KLRD1: variants seen among roughly 807,000 people sequenced by gnomAD.
The protein encoded by KLRD1 is killer cell lectin like receptor D1, also known as natural killer cells antigen CD94.
A neutral mutation model predicts 22.6 loss-of-function variants in KLRD1; 21 were observed. The ratio of observed to expected loss-of-function variants is 0.93; its 90% CI spans 0.66 to 1.34. KLRD1 has a LOEUF of 1.34. Among genes scored for constraint, KLRD1 ranks in the 40% most tolerant of loss-of-function variants. The pLI is 0.00. For missense variants in KLRD1, 183 were observed against 208.6 expected (o/e 0.88, Z 0.76); for synonymous variants, 59 against 71.1 (o/e 0.83, Z 0.85).
chr12:10,278,282 A>C (rs1450771760), intron 1 of KLRD1, among the ~76,000 whole-genome samples: 2 of 152,176 alleles, frequency 1.3e-5, no homozygotes, highest in African/African-American at 4.8e-5. Flanking sequence ...AACTCAAGCC[A>C]TTCCATTTGA....
chr12:10,280,534 C>T (rs1431164953), intron 1 of KLRD1, among the ~76,000 whole-genome samples: 1 of 152,074 alleles, frequency 6.6e-6, no homozygotes, highest in Admixed American at 6.5e-5. Context: ...TCACGCCGTG[C>T]TCCATCGTTG....
At chr12:10,295,760 A>G (rs541372614) in intron 1 of KLRD1, among the ~76,000 whole-genome samples, 86 of 152,138 alleles carry the variant, frequency 5.7e-4, no homozygotes, top group Non-Finnish European at 1.0e-3. Flanking sequence ...ATAGACACCC[A>G]TTTTTCTGTG....
chr12:10,287,945 G>A (rs1176112707), intron 1 of KLRD1, among the ~76,000 whole-genome samples: 1 of 151,996 alleles, frequency 6.6e-6, no homozygotes, highest in Non-Finnish European at 1.5e-5. Flanking sequence ...GCGGGCGCCT[G>A]TAGTCCCAGC....
intron 1 of KLRD1, among the ~76,000 whole-genome samples, chr12:10,285,871 A>G (rs1240152873): frequency 6.6e-6 from 1 of 152,220 alleles, no homozygotes; most frequent in African/African-American, 2.4e-5. Context: ...GAATAACAAA[A>G]ATAGCGCAGC....
chr12:10,303,307 A>G (rs1949882815), upstream of KLRD1, among the ~76,000 whole-genome samples: 1 of 152,200 alleles, frequency 6.6e-6, no homozygotes, highest in African/African-American at 2.4e-5. Flanking sequence ...CCACAAAAAT[A>G]TGAAACTCAT....
chr12:10,244,880 G>A (rs987285215), intron 1 of KLRD1, among the ~76,000 whole-genome samples: 1 of 152,222 alleles, frequency 6.6e-6, no homozygotes, highest in East Asian at 1.9e-4. Flanking sequence ...TGGTAATGCA[G>A]TACTGATTTA....
rs149301773 is a variant in KLRD1 at position 10,295,697 on chromosome 12, A to T, written c.-100-12281A>T. Among the ~76,000 whole-genome samples the T allele has an allele frequency of 3.7e-3, 563 of 152,328 alleles. 3 individuals carry two copies. Among genetic ancestry groups the T allele is most frequent in the African/African-American group, 0.012 (510 of 41,582 alleles). On this transcript the variant is annotated intron_variant, in intron 1 of 5. Transcript: ENST00000544747. ...TTCAAGAGTTCAGAAAAAGTAAATA[A>T]AACAGAAACATTTACAATAAATCAA...
At chr12:10,268,942 C>T (rs1269834751) in intron 1 of KLRD1, among the ~76,000 whole-genome samples, 5 of 152,174 alleles carry the variant, frequency 3.3e-5, no homozygotes, top group Non-Finnish European at 7.4e-5. Flanking sequence ...ATTATGTTGG[C>T]TCTTTTATGT....
rs185325975 is a variant in KLRD1, at chr12:10,239,829, A to G, written c.-101+13596A>G. The stretch of plus-strand genomic sequence containing the variant: ...GCTAATTTTTGTATTTTTACTAGAG[A>G]TGGGGTTTCACCATGTTGGCCAGGC... On this transcript the variant is annotated intron_variant, in intron 1 of 5. Coordinates refer to the KLRD1 transcript ENST00000544747. Among the ~76,000 whole-genome samples the G allele has an allele frequency of 6.7e-3, 1,012 of 151,768 alleles. 13 individuals carry two copies. Among genetic ancestry groups the G allele is most frequent in the South Asian group, 0.041 (197 of 4,800 alleles).
At chr12:10,277,159 T>TA (rs1949600284) in intron 1 of KLRD1, among the ~76,000 whole-genome samples, 1 of 140,794 alleles carries the variant, frequency 7.1e-6, no homozygotes, top group Non-Finnish European at 1.5e-5. Context: ...ATTCCAAAGG[T>TA]AGAGGTGGGT....
In KLRD1 at chr12:10,315,033, ATATT is replaced by A. The variant is rs66599733; in HGVS notation, c.*243_*246del. 0.42 allele frequency: 137,381 copies of A among 329,314 alleles called. 29,056 individuals are homozygous for A. The highest frequency in any genetic ancestry group is 0.55 in the East Asian group (7,403 of 13,492). The allele number at this position is 329,314 out of a possible 1,614,324, so 20.4% of individuals were successfully genotyped here. A position where few individuals can be genotyped will look rare whatever the true frequency, so the allele number is the denominator to read the frequency against. On this transcript the variant is annotated 3_prime_UTR_variant, in exon 6 of 6. Transcript: ENST00000336164. ...AATTTTGTATTTTCATTTAATGTATATATTTAATGTTAAATTCAATGTAGTTTTA... is the reference window on the plus strand; with the variant it reads ...AATTTTGTATTTTCATTTAATGTATATAATGTTAAATTCAATGTAGTTTTA...
intron 1 of KLRD1, among the ~76,000 whole-genome samples, chr12:10,252,327 T>TACA (rs1860717862): frequency 6.6e-6 from 1 of 152,046 alleles, no homozygotes; most frequent in Admixed American, 6.6e-5. Context: ...GCAGGTGTAT[T>TACA]ACGTATTTTC....
chr12:10,276,994 C>G (rs962107703), intron 1 of KLRD1, among the ~76,000 whole-genome samples: 2 of 151,804 alleles, frequency 1.3e-5, no homozygotes, highest in Non-Finnish European at 2.9e-5. Context: ...ACCATTAAGT[C>G]TAGTTTTGTG....
Position 10,243,631 on chromosome 12 carries a change from A to AAAAAAAAAAG in KLRD1, c.-101+17400_-101+17401insAAAAAAAGAA, listed in dbSNP as rs771543645. Among the ~76,000 whole-genome samples the AAAAAAAAAAG allele has an allele frequency of 2.4e-3, 290 of 118,766 alleles. 42 individuals are homozygous for AAAAAAAAAAG. The highest frequency in any genetic ancestry group is 8.3e-3 in the East Asian group (25 of 3,026). The allele number at this position is 118,766 out of a possible 152,430, so 77.9% of individuals were successfully genotyped here. A position where few individuals can be genotyped will look rare whatever the true frequency, so the allele number is the denominator to read the frequency against. ...CCAAAAAAAAAAAAAAAAAAAAAAA[A>AAAAAAAAAAG]AACCGAAATGAAAGATATGGAACAA... On this transcript the variant is annotated intron_variant, in intron 1 of 5. Coordinates refer to the KLRD1 transcript ENST00000544747.
chr12:10,239,525 T>TTCTTTCTTTC (rs1949219260), intron 1 of KLRD1, among the ~76,000 whole-genome samples: 1 of 45,916 alleles, frequency 2.2e-5, no homozygotes, highest in African/African-American at 1.0e-4. Flanking sequence ...TCCCCTTTCT[T>TTCTTTCTTTC]TCTTTCTTTC....
At chr12:10,302,068 G>T (rs1489853079), upstream of KLRD1, among the ~76,000 whole-genome samples, 1 of 152,070 alleles carries the variant, frequency 6.6e-6, no homozygotes, top group African/African-American at 2.4e-5. Context: ...GACATCAACA[G>T]GCACTGATCA....
At chr12:10,310,421 C>T (rs918870981) in intron 3 of KLRD1, among the ~76,000 whole-genome samples, 10 of 152,188 alleles carry the variant, frequency 6.6e-5, no homozygotes, top group African/African-American at 1.2e-4. Flanking sequence ...CCACTGCGCC[C>T]GGCCTCAATT....
intron 1 of KLRD1, among the ~76,000 whole-genome samples, chr12:10,251,617 T>C (rs577470945): frequency 3.9e-5 from 6 of 152,096 alleles, no homozygotes; most frequent in Admixed American, 1.3e-4. Flanking sequence ...TACATTGTAA[T>C]ATATAATGAA....
rs1422857671 is a variant in KLRD1 at position 10,319,284 on chromosome 12, T to TAA, written c.*4492_*4493insAA. 1.3e-5 allele frequency: 2 copies of TAA among 152,222 alleles called. No individual in the cohort carries two copies. The highest frequency in any genetic ancestry group is 4.8e-5 in the African/African-American group (2 of 41,462). The allele number at this position is 152,222 out of a possible 1,614,324, so 9.4% of individuals were successfully genotyped here. On this transcript the variant is annotated 3_prime_UTR_variant, in exon 6 of 6. Transcript: ENST00000336164. Reference sequence around the variant, plus strand: ...GGTCACTTCTTACCAGTTGTAAATGTACTTACAAATTTTGCTATATGAAAA... The same window carrying TAA: ...GGTCACTTCTTACCAGTTGTAAATGTAAACTTACAAATTTTGCTATATGAAAA...
Sources: allele counts gnomAD v4.1 joint callset (sites outside exome capture counted in the v4.1 genomes callset), GRCh38; gene constraint gnomAD v4.1.1; transcripts MANE v1.5; gene names NCBI Gene and HGNC (gene_info 2026-07-23, HGNC 2026-07-21).